ATP2C2: variants seen among roughly 807,000 people sequenced by gnomAD.
ATP2C2 encodes calcium-transporting ATPase type 2C member 2.
A neutral mutation model predicts 110.8 loss-of-function variants in ATP2C2; 171 were observed. The observed-to-expected ratio is 1.54, with a 90% CI of 1.36 to 1.75. The LOEUF is 1.75. Ranked by LOEUF, ATP2C2 falls within the 40% of genes most tolerant of loss-of-function variation. ATP2C2 has a pLI of 0.00. For synonymous variants in ATP2C2, 804 were observed against 508.4 expected (o/e 1.58, Z -7.82); for missense variants, 1,963 against 1,235.0 (o/e 1.59, Z -8.84).
intron 1 of ATP2C2, among the ~76,000 whole-genome samples, chr16:84,386,484 G>T (rs1904327301): frequency 6.6e-6 from 1 of 152,110 alleles, no homozygotes; most frequent in Non-Finnish European, 1.5e-5. Context: ...GCCAACAATT[G>T]CACTGGCCAC....
At chr16:84,446,923 G>C (rs942594912) in intron 16 of ATP2C2, among the ~76,000 whole-genome samples, 1 of 152,150 alleles carries the variant, frequency 6.6e-6, no homozygotes, top group African/African-American at 2.4e-5. Flanking sequence ...TCATACTGGG[G>C]AGCAAATCCT....
Position 84,410,580 on chromosome 16 carries a change from G to T in ATP2C2, c.430G>T (p.Val144Leu), listed in dbSNP as rs373471007. The change falls in exon 5 of 27, where the codon GTG (valine) becomes TTG (leucine). Residue 144 changes from valine (V) to leucine (L), a missense_variant. By Grantham distance (32) the Val-to-Leu change is conservative. Coordinates refer to ENST00000262429, the MANE Select transcript of ATP2C2 (RefSeq NM_014861.4). ...GTTTGCTGTCTAGGCAGTGCTTGTC[G>T]TGGTCACTGTCGCCTTCATCCAGGT... ...AVSIATAVLV[V>L]VTVAFIQEYR... 2 of 1,613,906 alleles carry T rather than the reference G, an allele frequency of 1.2e-6. No homozygotes were observed. Among genetic ancestry groups the T allele is most frequent in the African/African-American group, 1.3e-5 (1 of 74,896 alleles).
At chr16:84,414,313 C>T (rs574791210) in intron 6 of ATP2C2, among the ~76,000 whole-genome samples, 1 of 152,276 alleles carries the variant, frequency 6.6e-6, no homozygotes, top group South Asian at 2.1e-4. Flanking sequence ...TTCAGGAGAG[C>T]ACCCAGGGCG....
intron 11 of ATP2C2, among the ~76,000 whole-genome samples, chr16:84,431,788 G>A (rs1217373661): frequency 6.6e-6 from 1 of 152,126 alleles, no homozygotes; most frequent in Non-Finnish European, 1.5e-5. Flanking sequence ...GCCACGCCAG[G>A]CTGTCTCTGT....
intron 7 of ATP2C2, among the ~76,000 whole-genome samples, chr16:84,417,411 G>T (rs1294821481): frequency 6.6e-6 from 1 of 152,226 alleles, no homozygotes; most frequent in Non-Finnish European, 1.5e-5. Context: ...TTGTGAAGAT[G>T]AAACAAGCTA....
chr16:84,452,138 C>G (rs1288726337), intron 18 of ATP2C2, 47 bp downstream of exon 18: 8 of 1,604,294 alleles, frequency 5.0e-6, no homozygotes, highest in Admixed American at 1.7e-5. Context: ...CCCATCCATC[C>G]TTTACGATGG....
intron 1 of ATP2C2, among the ~76,000 whole-genome samples, chr16:84,375,268 G>C (rs993501815): frequency 1.3e-5 from 2 of 152,160 alleles, no homozygotes; most frequent in African/African-American, 4.8e-5. Context: ...ACGGCCCGGC[G>C]CAGTGGGTCA....
chr16:84,449,741 C>T (rs180821630), intron 17 of ATP2C2, among the ~76,000 whole-genome samples: 7 of 152,308 alleles, frequency 4.6e-5, no homozygotes, highest in Admixed American at 2.0e-4. Flanking sequence ...CAATCTGGCA[C>T]GTGGGTGGCA....
intron 1 of ATP2C2, among the ~76,000 whole-genome samples, chr16:84,371,097 C>G (rs1459466178): frequency 6.6e-6 from 1 of 152,164 alleles, no homozygotes; most frequent in East Asian, 1.9e-4. Context: ...ACCCAGTGGT[C>G]TCAGGTGCAC....
chr16:84,446,945 G>A (rs888189021), intron 16 of ATP2C2, among the ~76,000 whole-genome samples: 1 of 152,180 alleles, frequency 6.6e-6, no homozygotes, highest in African/African-American at 2.4e-5. Context: ...CAGTACGGAA[G>A]GCGTGTCTGT....
chr16:84,397,418 T>C (rs1905053052), intron 1 of ATP2C2, among the ~76,000 whole-genome samples: 1 of 151,682 alleles, frequency 6.6e-6, no homozygotes, highest in Non-Finnish European at 1.5e-5. Context: ...ATTCTACATA[T>C]GTATATTGTT....
intron 2 of ATP2C2, among the ~76,000 whole-genome samples, chr16:84,402,992 C>G (rs1390267076): frequency 6.6e-6 from 1 of 152,064 alleles, no homozygotes; most frequent in East Asian, 1.9e-4. Flanking sequence ...TTTTGGATTT[C>G]TTCATGGTTC....
intron 7 of ATP2C2, among the ~76,000 whole-genome samples, chr16:84,421,354 G>T (rs569202046): frequency 6.6e-6 from 1 of 152,234 alleles, no homozygotes; most frequent in South Asian, 2.1e-4. Flanking sequence ...GGCCACTGTC[G>T]TTCTTGGGGA....
At chr16:84,447,844 ATAT>A (rs36072778) in intron 16 of ATP2C2, among the ~76,000 whole-genome samples, 56,578 of 146,568 alleles carry the variant, frequency 0.39, 11,455 homozygotes, top group East Asian at 0.67. Context: ...TCTGTAATTA[ATAT>A]TATATTTATT....
intron 1 of ATP2C2, among the ~76,000 whole-genome samples, chr16:84,372,229 A>G (rs1314498598): frequency 6.6e-6 from 1 of 152,164 alleles, no homozygotes; most frequent in Non-Finnish European, 1.5e-5. Flanking sequence ...TGGGCCAAAC[A>G]TTAGAACTGT....
chr16:84,410,669 C>A (rs1436855225), intron 5 of ATP2C2, 35 bp from the exon 6 acceptor site: 2 of 1,613,846 alleles, frequency 1.2e-6, no homozygotes, highest in East Asian at 2.2e-5. Context: ...GGAGTCCCCA[C>A]CTTTAAACAG....
In ATP2C2 at chr16:84,408,484, G is replaced by C. The variant is rs1905979397; in HGVS notation, c.407G>C (p.Ser136Thr). 1 of 1,612,840 alleles carries C rather than the reference G, an allele frequency of 6.2e-7. No individual in the cohort carries two copies. Residue 136 changes from serine (S) to threonine (T), a missense_variant, in exon 4 of 27, where the codon AGC (serine) becomes ACC (threonine). By Grantham distance (58) the Ser-to-Thr change is moderately conservative. Coordinates refer to ENST00000262429, the MANE Select transcript of ATP2C2 (RefSeq NM_014861.4). ...VLTKEYEDAVSIATAVLVVVT... is the reference protein window; with the variant it reads ...VLTKEYEDAVTIATAVLVVVT... ...ACCAAGGAGTATGAGGACGCCGTCA[G>C]CATCGCCACGGTGAGTTCCCTGACA...
At position 84,406,540 on chromosome 16, in the gene ATP2C2, C is replaced by T. The variant is rs529426664; in HGVS notation, c.327+1296C>T. The T allele has an allele frequency of 7.3e-6, 7 of 954,628 alleles. No homozygotes were observed. In the African/African-American group the frequency reaches 1.1e-4, roughly 14 times the overall value. 59.1% of individuals were successfully genotyped at this position (954,628 alleles called of 1,614,324 possible). The stretch of plus-strand genomic sequence containing the variant: ...GAACCAATCACAGTCCCCTGGGCAG[C>T]ATCCTCTGTCTCCACTCTCCTTGAG... On this transcript the variant is annotated intron_variant, in intron 3 of 26. Coordinates refer to ENST00000262429, the MANE Select transcript of ATP2C2 (RefSeq NM_014861.4).
intron 6 of ATP2C2, among the ~76,000 whole-genome samples, chr16:84,414,723 G>GC (rs938855344): frequency 5.9e-5 from 9 of 152,158 alleles, no homozygotes; most frequent in Non-Finnish European, 8.8e-5. Flanking sequence ...GGTCTGCAAA[G>GC]CCCCTGAGGC....
Sources: allele counts gnomAD v4.1 joint callset (sites outside exome capture counted in the v4.1 genomes callset), GRCh38; gene constraint gnomAD v4.1.1; transcripts MANE v1.5; gene names NCBI Gene and HGNC (gene_info 2026-07-23, HGNC 2026-07-21).